Variants in XPO4 observed in about 807,000 individuals in gnomAD.
XPO4 encodes exportin 4, also known as exportin-4.
A neutral mutation model predicts 143.0 loss-of-function variants in XPO4; 39 were observed. The ratio of observed to expected loss-of-function variants is 0.27; its 90% confidence interval spans 0.21 to 0.36. The LOEUF (loss-of-function observed/expected upper bound fraction) is 0.36. XPO4 is among the 10% of genes least tolerant of loss of function. XPO4 has a pLI of 1.00. For synonymous variants in XPO4, 439 were observed against 474.0 expected (o/e 0.93, Z 0.96); for missense variants, 907 against 1,348.0 (o/e 0.67, Z 5.12).
At chr13:20,800,474 C>CA (rs1261688339) in intron 14 of XPO4, 149 bp from the exon 15 acceptor site, 277 of 727,544 alleles carry the variant, frequency 3.8e-4, no homozygotes, top group South Asian at 6.3e-4. Flanking sequence ...TTCCACTGGT[C>CA]AAAAAAAAAG....
intron 3 of XPO4, chr13:20,856,981 T>C (rs1004277207): frequency 9.0e-6 from 6 of 669,444 alleles, no homozygotes; most frequent in African/African-American, 7.8e-5. Context: ...CAAAGCACAC[T>C]ACCTGCTGCA....
intron 3 of XPO4, chr13:20,859,798 A>T: frequency 2.2e-6 from 2 of 895,346 alleles, no homozygotes; most frequent in Non-Finnish European, 2.7e-6. Context: ...AAAAAAAAAA[A>T]GAACAAATAA....
At chr13:20,900,617 CTT>C (rs71090516) in intron 1 of XPO4, among the ~76,000 whole-genome samples, 19 of 144,592 alleles carry the variant, frequency 1.3e-4, no homozygotes, top group South Asian at 2.2e-4. Context: ...AAGTCATTTC[CTT>C]TTTTTTTTTT....
intron 1 of XPO4, among the ~76,000 whole-genome samples, chr13:20,891,071 C>G (rs2060510489): frequency 7.7e-6 from 1 of 130,074 alleles, no homozygotes; most frequent in Admixed American, 8.5e-5. Flanking sequence ...AAGCCAAGAT[C>G]AAGCCATTGC....
intron 1 of XPO4, among the ~76,000 whole-genome samples, chr13:20,882,056 G>A (rs527396122): frequency 1.4e-5 from 2 of 145,326 alleles, no homozygotes; most frequent in South Asian, 4.3e-4. Flanking sequence ...GTTGCAGTGA[G>A]CCAAGATCAC....
At chr13:20,800,101 A>G (rs2059412241) in intron 15 of XPO4, 55 bp downstream of exon 15, 2 of 1,587,678 alleles carry the variant, frequency 1.3e-6, no homozygotes, top group African/African-American at 1.3e-5. Context: ...GAAGTGAAAA[A>G]GAGTTTCTCA....
At chr13:20,839,635 G>A (rs61954188) in intron 6 of XPO4, among the ~76,000 whole-genome samples, 2 of 151,974 alleles carry the variant, frequency 1.3e-5, no homozygotes, top group Non-Finnish European at 2.9e-5. Context: ...CCAGGAGTTC[G>A]AGGCCAGCCT....
Position 20,834,313 on chromosome 13 carries a change from A to G in XPO4, c.728-7134T>C, listed in dbSNP as rs913854483. ...AGATCAACATACAAAAATCATTTGT[A>G]TTTTTCTCTATATAGTGTGAAAATG... is the stretch of plus-strand genomic sequence containing the variant. On this transcript the variant is annotated intron_variant, in intron 6 of 22. Transcript: ENST00000255305. Among the ~76,000 whole-genome samples the G allele has an allele frequency of 5.3e-5, 8 of 152,312 alleles. No individual in the cohort carries two copies. The South Asian group carries it at 1.0e-3, about 20-fold the overall frequency.
chr13:20,799,051 A>C (rs943643036), intron 16 of XPO4, 114 bp downstream of exon 16: 4 of 1,067,296 alleles, frequency 3.7e-6, no homozygotes. Context: ...GAAAGAAAGA[A>C]AGAAAAGCTA....
chr13:20,856,146 T>A (rs1053677149), intron 3 of XPO4, among the ~76,000 whole-genome samples: 1 of 150,802 alleles, frequency 6.6e-6, no homozygotes, highest in Admixed American at 6.6e-5. Flanking sequence ...TGTTAAATAT[T>A]TGTAGGGAAA....
intron 6 of XPO4, among the ~76,000 whole-genome samples, chr13:20,836,889 T>A (rs1205217486): frequency 6.6e-6 from 1 of 152,236 alleles, no homozygotes; most frequent in African/African-American, 2.4e-5. Context: ...GATTTGCCCA[T>A]CCTGGACATT....
chr13:20,824,978 C>T (rs2059765951), intron 7 of XPO4, among the ~76,000 whole-genome samples: 1 of 152,110 alleles, frequency 6.6e-6, no homozygotes, highest in Non-Finnish European at 1.5e-5. Context: ...ATCTGGGAAC[C>T]GGTGCCTGAA....
rs77507290 is a variant in XPO4, at chr13:20,901,977, A to G, written c.69+693T>C. On this transcript the variant is annotated intron_variant, in intron 1 of 22. Transcript: ENST00000255305. Reference sequence around the variant, plus strand: ...CTCGGCCTTCTCAAATTCCCTTAGTAAACAATCTCATCAAACTGCTTATTG... The same window carrying G: ...CTCGGCCTTCTCAAATTCCCTTAGTGAACAATCTCATCAAACTGCTTATTG... The G allele has an allele frequency of 8.5e-3, 6,140 of 721,028 alleles. 340 individuals are homozygous for G. The African/African-American group carries it at 0.11, about 13-fold the overall frequency. 44.7% of individuals were successfully genotyped at this position (721,028 alleles called of 1,614,324 possible).
intron 3 of XPO4, 64 bp downstream of exon 3, chr13:20,862,653 A>G (rs991779240): frequency 1.0e-5 from 16 of 1,587,578 alleles, no homozygotes; most frequent in African/African-American, 1.4e-5. Flanking sequence ...AAACAAAAAA[A>G]GCTCTAAAAA....
chr13:20,806,698 G>A lies in XPO4; in HGVS notation c.1817+759C>T, dbSNP rs546674927. ...CTCCCGAGTAGCTGGGACTACAGGC[G>A]TACACCACCACATCCAGCTAATTTT... On this transcript the variant is annotated intron_variant, in intron 13 of 22. Coordinates refer to ENST00000255305, the MANE Select transcript of XPO4 (RefSeq NM_022459.5). 3.3e-5 allele frequency among the ~76,000 whole-genome samples: 5 copies of A among 151,564 alleles called. No individual in the cohort carries two copies. In the South Asian group the frequency reaches 6.3e-4, roughly 19 times the overall value.
At chr13:20,869,699 A>C in intron 1 of XPO4, 1 of 578,970 alleles carries the variant, frequency 1.7e-6, no homozygotes, top group Non-Finnish European at 2.2e-6. Context: ...ACTACTGTGA[A>C]TCTCTGGCTT....
chr13:20,823,638 G>A (rs1262259744), intron 7 of XPO4, among the ~76,000 whole-genome samples: 1 of 151,602 alleles, frequency 6.6e-6, no homozygotes, highest in African/African-American at 2.4e-5. Flanking sequence ...GTGACCTGTG[G>A]AAATTACACA....
Position 20,783,487 on chromosome 13 carries a change from C to A in XPO4, c.*235G>T. The A allele has an allele frequency of 1.9e-6, 1 of 533,448 alleles. No individual in the cohort carries two copies. The highest frequency in any genetic ancestry group is 3.3e-6 in the Non-Finnish European group (1 of 301,094). 33.0% of individuals were successfully genotyped at this position (533,448 alleles called of 1,614,324 possible). A position where few individuals can be genotyped will look rare whatever the true frequency, so the allele number is the denominator to read the frequency against. On this transcript the variant is annotated 3_prime_UTR_variant, in exon 23 of 23. Coordinates refer to ENST00000255305, the MANE Select transcript of XPO4 (RefSeq NM_022459.5). Reference sequence around the variant, plus strand: ...ATTTCATTTTGAAAATTTTAAATCACCATTCAGAATCTAAAAGACATATAT... The same window carrying A: ...ATTTCATTTTGAAAATTTTAAATCAACATTCAGAATCTAAAAGACATATAT...
chr13:20,811,764 T>A (rs1263298853), intron 9 of XPO4, among the ~76,000 whole-genome samples: 1 of 152,120 alleles, frequency 6.6e-6, no homozygotes, highest in East Asian at 1.9e-4. Flanking sequence ...GGGGTGCACC[T>A]GGGTTTTTAC....
Sources: allele counts gnomAD v4.1 joint callset (sites outside exome capture counted in the v4.1 genomes callset), GRCh38; gene constraint gnomAD v4.1.1; transcripts MANE v1.5; gene names NCBI Gene and HGNC (gene_info 2026-07-23, HGNC 2026-07-21).